Variants in A3GALT2 observed in about 807,000 individuals in gnomAD.
The protein encoded by A3GALT2 is alpha-1,3-galactosyltransferase 2.
A3GALT2 carries 14 observed loss-of-function variants against 16.6 expected under a neutral mutation model. The ratio of observed to expected loss-of-function variants is 0.84; its 90% CI spans 0.56 to 1.32. The LOEUF (loss-of-function observed/expected upper bound fraction) is 1.32, where lower values mean the gene tolerates loss of function less well. Among genes scored for constraint, A3GALT2 ranks in the 40% most tolerant of loss-of-function variants. A3GALT2 has a pLI of 0.00. For synonymous variants in A3GALT2, 253 were observed against 218.0 expected (o/e 1.16, Z -1.42); for missense variants, 600 against 490.9 (o/e 1.22, Z -2.10).
At position 33,320,962 on chromosome 1, in the gene A3GALT2, T is replaced by G; in HGVS notation, c.23+114A>C. 1 of 1,386,628 alleles carries G rather than the reference T, an allele frequency of 7.2e-7. No homozygotes were observed. Among genetic ancestry groups the G allele is most frequent in the Middle Eastern group, 1.8e-4 (1 of 5,546 alleles). 85.9% of individuals were successfully genotyped at this position (1,386,628 alleles called of 1,614,324 possible). ...CCAGGACTGGAGGCTCAGCTGGTAC[T>G]CCTGGGCTCACTCTGGTGCCTCCCC... On this transcript the variant is annotated intron_variant, in intron 1 of 4. Transcript: ENST00000442999. This position sits in a 1 kb window ranked among gnomAD's most constrained non-coding sequence, Gnocchi z 4.3.
Position 33,320,124 on chromosome 1 carries a change from A to C in A3GALT2, c.23+952T>G, listed in dbSNP as rs968405558. On this transcript the variant is annotated intron_variant, in intron 1 of 4. Transcript: ENST00000442999. This position sits in a 1 kb window ranked among gnomAD's most constrained non-coding sequence, Gnocchi z 4.3. ...CGTGGGCTTGGCTTCTTCCCTTCGCACTCTATTCAGCTCCTGTCTGAGCTC... is the reference window on the plus strand; with the variant it reads ...CGTGGGCTTGGCTTCTTCCCTTCGCCCTCTATTCAGCTCCTGTCTGAGCTC... Among the ~76,000 whole-genome samples the C allele has an allele frequency of 6.6e-6, 1 of 151,070 alleles. No homozygotes were observed. The highest frequency in any genetic ancestry group is 1.5e-5 in the Non-Finnish European group (1 of 67,870).
chr1:33,311,628 G>A (rs1646232840), intron 4 of A3GALT2, among the ~76,000 whole-genome samples: 1 of 152,066 alleles, frequency 6.6e-6, no homozygotes, highest in Non-Finnish European at 1.5e-5. Context: ...ACAATCCTAT[G>A]TACCTGCACC....
chr1:33,308,262 C>T (rs369006236), intron 4 of A3GALT2, among the ~76,000 whole-genome samples: 1 of 151,188 alleles, frequency 6.6e-6, no homozygotes, highest in Non-Finnish European at 1.5e-5. Context: ...TAAGAAGTCC[C>T]AGAACTTGGG....
At position 33,307,246 on chromosome 1, in the gene A3GALT2, G is replaced by T. The variant is rs745429468; in HGVS notation, c.543C>A (p.His181Gln). The change falls in exon 5 of 5, where the codon CAC becomes CAA. Residue 181 changes from histidine to glutamine, a missense_variant. By Grantham distance (24) the His-to-Gln change is conservative (BLOSUM62 0). Transcript: ENST00000442999. ...DVSMARMRTLHAALGGLPGRE... is the reference protein window; with the variant it reads ...DVSMARMRTLQAALGGLPGRE... ...GGCCCGGCAGCCCGCCCAGCGCCGC[G>T]TGCAACGTGCGCATGCGCGCCATCG... is the stretch of plus-strand genomic sequence containing the variant. 2.0e-6 allele frequency: 3 copies of T among 1,479,506 alleles called. No homozygotes were observed. The allele number at this position is 1,479,506 out of a possible 1,614,324, so 91.6% of individuals were successfully genotyped here.
At position 33,307,141 on chromosome 1, in the gene A3GALT2, C is replaced by T; in HGVS notation, c.648G>A (p.Ser216=). The T allele has an allele frequency of 6.5e-7, 1 of 1,548,168 alleles. No individual in the cohort carries two copies. Among genetic ancestry groups the T allele is most frequent in the Non-Finnish European group, 8.7e-7 (1 of 1,150,084 alleles). ...GTFGPEALAE[S]VAQLHSWHYH... is the part of the protein sequence containing the mutation. ...AGTGCCAGGAGTGCAGCTGCGCCAC[C>T]GACTCGGCCAGCGCCTCGGGCCCAA... The change falls in exon 5 of 5, where the codon TCG becomes TCA. Residue 216 remains serine (S), a synonymous_variant. Coordinates refer to ENST00000442999, the MANE Select transcript of A3GALT2 (RefSeq NM_001080438.1).
At position 33,320,412 on chromosome 1, in the gene A3GALT2, C is replaced by T. The variant is rs571008469; in HGVS notation, c.23+664G>A. On this transcript the variant is annotated intron_variant, in intron 1 of 4. Coordinates refer to ENST00000442999, the MANE Select transcript of A3GALT2 (RefSeq NM_001080438.1). This position sits in a 1 kb window ranked among gnomAD's most constrained non-coding sequence, Gnocchi z 4.3. ...CTGGGCCTCAGCCAGGGCACACAGG[C>T]AGAGTTGGTCTTGTGAACTCCTGTG... 6.6e-6 allele frequency among the ~76,000 whole-genome samples: 1 copy of T among 152,184 alleles called. No homozygotes were observed. Among genetic ancestry groups the T allele is most frequent in the East Asian group, 1.9e-4 (1 of 5,180 alleles).
Position 33,320,999 on chromosome 1 carries a change from T to A in A3GALT2, c.23+77A>T, listed in dbSNP as rs762281862. 2 of 1,583,310 alleles carry A rather than the reference T, an allele frequency of 1.3e-6. No individual in the cohort carries two copies. The highest frequency in any genetic ancestry group is 4.5e-5 in the East Asian group (2 of 44,674). On this transcript the variant is annotated intron_variant, in intron 1 of 4. Transcript: ENST00000442999. This position sits in a 1 kb window ranked among gnomAD's most constrained non-coding sequence, Gnocchi z 4.3. ...TCTGGTGCCTCCCCTTGGTACTGTT[T>A]TAGCCATCAGACTGGATCCCTCTTA...
rs185357095 is a variant in A3GALT2, at chr1:33,317,543, T to G, written c.23+3533A>C. Among the ~76,000 whole-genome samples the G allele has an allele frequency of 3.3e-3, 498 of 152,256 alleles. 1 individual carries two copies. Among genetic ancestry groups the G allele is most frequent in the African/African-American group, 0.011 (466 of 41,560 alleles). On this transcript the variant is annotated intron_variant, in intron 1 of 4. Coordinates refer to ENST00000442999, the MANE Select transcript of A3GALT2 (RefSeq NM_001080438.1). ...GCCTGAGAAGCCTCCCAAGTCCAGCTCCTCCACTGTAACACTGTCAGTGCT... is the reference window on the plus strand; with the variant it reads ...GCCTGAGAAGCCTCCCAAGTCCAGCGCCTCCACTGTAACACTGTCAGTGCT...
At chr1:33,310,268 G>C (rs376145594) in intron 4 of A3GALT2, among the ~76,000 whole-genome samples, 4,024 of 152,262 alleles carry the variant, frequency 0.026, 146 homozygotes, top group African/African-American at 0.078. Flanking sequence ...GTCCAGCCTC[G>C]GCTCGGCATC....
At chr1:33,309,923 A>G (rs994676067) in intron 4 of A3GALT2, among the ~76,000 whole-genome samples, 2 of 152,240 alleles carry the variant, frequency 1.3e-5, no homozygotes, top group Non-Finnish European at 2.9e-5. Context: ...AGAGGCTGCA[A>G]TCTCGGCACT....
chr1:33,318,990 G>A (rs1179038735), intron 1 of A3GALT2, among the ~76,000 whole-genome samples: 2 of 152,166 alleles, frequency 1.3e-5, no homozygotes, highest in Non-Finnish European at 2.9e-5. Context: ...TTTTCTTCAA[G>A]ATTAAGTCTG....
chr1:33,315,825 A>G (rs1049027636), intron 1 of A3GALT2, among the ~76,000 whole-genome samples: 1 of 152,220 alleles, frequency 6.6e-6, no homozygotes, highest in Non-Finnish European at 1.5e-5. Context: ...TATTTATTGG[A>G]CACAAGCTCA....
At chr1:33,317,200 G>GTT (rs1646265649) in intron 1 of A3GALT2, among the ~76,000 whole-genome samples, 1 of 152,070 alleles carries the variant, frequency 6.6e-6, no homozygotes, top group Non-Finnish European at 1.5e-5. Context: ...AACGTGTTAG[G>GTT]AAGACTCTGC....
chr1:33,318,507 C>T (rs1489299440), intron 1 of A3GALT2, among the ~76,000 whole-genome samples: 5 of 152,044 alleles, frequency 3.3e-5, no homozygotes, highest in African/African-American at 9.7e-5. Flanking sequence ...CTTCCTAGTG[C>T]CCAAAACTCC....
chr1:33,308,536 C>T (rs1233653179), intron 4 of A3GALT2, among the ~76,000 whole-genome samples: 6 of 151,990 alleles, frequency 3.9e-5, no homozygotes, highest in East Asian at 1.9e-4. Context: ...CTCCAAGTAG[C>T]TGGGATTACA....
intron 1 of A3GALT2, among the ~76,000 whole-genome samples, chr1:33,316,676 T>C (rs778204466): frequency 9.2e-5 from 14 of 151,850 alleles, no homozygotes; most frequent in Non-Finnish European, 2.1e-4. Context: ...GGGCAAGACT[T>C]GGCCATGGAT....
At chr1:33,318,815 C>G (rs1646272271) in intron 1 of A3GALT2, among the ~76,000 whole-genome samples, 1 of 152,194 alleles carries the variant, frequency 6.6e-6, no homozygotes, top group African/African-American at 2.4e-5. Flanking sequence ...TCCTCCAGTA[C>G]CTGCCAAGCG....
intron 4 of A3GALT2, among the ~76,000 whole-genome samples, chr1:33,308,725 ATT>A (rs1286491400): frequency 2.5e-5 from 1 of 40,090 alleles, no homozygotes; most frequent in Non-Finnish European, 5.3e-5. Context: ...AATTATTATT[ATT>A]ATTTTTTTGT....
rs774232372 is a variant in A3GALT2 at position 33,312,087 on chromosome 1, G to T, written c.300C>A (p.Asn100Lys). The T allele has an allele frequency of 6.2e-7, 1 of 1,613,728 alleles. No homozygotes were observed. Among genetic ancestry groups the T allele is most frequent in the South Asian group, 1.1e-5 (1 of 91,048 alleles). ...CAAAGATAGTCAGCCCAATGGTGAG[G>T]TTCTGCTGTCTAGCCTCTTGCTTGG... Reference protein sequence around the residue: ...DVAKQEARQQNLTIGLTIFAV... With the variant: ...DVAKQEARQQKLTIGLTIFAV... Residue 100 changes from asparagine to lysine, a missense_variant, in exon 4 of 5, where the codon AAC (asparagine) becomes AAA (lysine). Physicochemically the swap from Asn to Lys is moderately conservative, Grantham distance 94 (BLOSUM62 0). Coordinates refer to ENST00000442999, the MANE Select transcript of A3GALT2 (RefSeq NM_001080438.1).
Sources: allele counts gnomAD v4.1 joint callset (sites outside exome capture counted in the v4.1 genomes callset), GRCh38; gene constraint gnomAD v4.1.1; non-coding constraint Gnocchi (gnomAD v3.1); transcripts MANE v1.5; gene names NCBI Gene and HGNC (gene_info 2026-07-23, HGNC 2026-07-21).